The following RFX2 variants were observed in gnomAD, a reference collection of about 807,000 sequenced individuals.
The protein encoded by RFX2 is DNA-binding protein RFX2.
A neutral mutation model predicts 87.8 loss-of-function variants in RFX2; 20 were observed. That is an observed-to-expected ratio of 0.23 (90% CI 0.16 to 0.33). The LOEUF is 0.33. Ranked by LOEUF, RFX2 falls within the 10% of genes least tolerant of loss-of-function variation. RFX2 has a pLI of 1.00. For missense variants in RFX2, 767 were observed against 1,012.3 expected (o/e 0.76, Z 3.29); for synonymous variants, 397 against 431.3 (o/e 0.92, Z 0.98).
rs999385072 is a variant in RFX2, at chr19:5,993,240, C to T, written c.*1595G>A. 6.6e-6 allele frequency: 1 copy of T among 152,230 alleles called. No homozygotes were observed. The highest frequency in any genetic ancestry group is 1.5e-5 in the Non-Finnish European group (1 of 68,044). 9.4% of individuals were successfully genotyped at this position (152,230 alleles called of 1,614,324 possible). Reference sequence around the variant, plus strand: ...ATTACAATCCGTTAACTGTGAGCTTCAGTGTCTCCAAGGAGAGGAGATGTA... The same window carrying T: ...ATTACAATCCGTTAACTGTGAGCTTTAGTGTCTCCAAGGAGAGGAGATGTA... On this transcript the variant is annotated 3_prime_UTR_variant, in exon 18 of 18. Coordinates refer to ENST00000303657, the MANE Select transcript of RFX2 (RefSeq NM_000635.4).
chr19:6,016,557 G>C lies in RFX2; in HGVS notation c.598-286C>G, dbSNP rs950413576. 6.6e-6 allele frequency among the ~76,000 whole-genome samples: 1 copy of C among 152,016 alleles called. No individual in the cohort carries two copies. The highest frequency in any genetic ancestry group is 1.5e-5 in the Non-Finnish European group (1 of 67,990). ...AGGTGTCCGACACCACATCTGGCTA[G>C]TTTTTGTATTTTTAGTAGAGACGGG... is the stretch of plus-strand genomic sequence containing the variant. On this transcript the variant is annotated intron_variant, in intron 6 of 17. Transcript: ENST00000303657. This position sits in a 1 kb window ranked among gnomAD's most constrained non-coding sequence, Gnocchi z 5.4.
intron 1 of RFX2, among the ~76,000 whole-genome samples, chr19:6,104,885 C>G (rs777038266): frequency 6.6e-6 from 1 of 151,376 alleles, no homozygotes; most frequent in Non-Finnish European, 1.5e-5. Context: ...TTTGGGAGGC[C>G]GAGGTGGGCA....
intron 1 of RFX2, among the ~76,000 whole-genome samples, chr19:6,086,783 G>A (rs976437426): frequency 6.6e-6 from 1 of 152,084 alleles, no homozygotes; most frequent in African/African-American, 2.4e-5. Flanking sequence ...ATTTGCAAAG[G>A]GAATTTGTCT....
chr19:6,042,667 A>G (rs1186937457), intron 3 of RFX2, among the ~76,000 whole-genome samples: 3 of 152,106 alleles, frequency 2.0e-5, no homozygotes, highest in African/African-American at 7.2e-5. Flanking sequence ...AGGAGGGGAG[A>G]GAATGTGATG....
intron 1 of RFX2, among the ~76,000 whole-genome samples, chr19:6,077,664 A>G (rs748685866): frequency 6.6e-6 from 1 of 152,182 alleles, no homozygotes; most frequent in Non-Finnish European, 1.5e-5. Context: ...GCAACAGCCC[A>G]AATGTTTGTC....
At chr19:6,084,567 T>C (rs1187794805) in intron 1 of RFX2, among the ~76,000 whole-genome samples, 2 of 152,078 alleles carry the variant, frequency 1.3e-5, no homozygotes, top group African/African-American at 2.4e-5. Flanking sequence ...TTTCTGTCGC[T>C]ATGGATCTGA....
Position 5,999,868 on chromosome 19 carries a change from AGGCAAGGGG to A in RFX2, c.1859+1938_1859+1946del. Among the ~76,000 whole-genome samples, 1 of 152,000 alleles carries A rather than the reference AGGCAAGGGG, an allele frequency of 6.6e-6. No homozygotes were observed. The highest frequency in any genetic ancestry group is 2.4e-5 in the African/African-American group (1 of 41,388). On this transcript the variant is annotated intron_variant, in intron 15 of 17. Transcript: ENST00000303657. This position sits in a 1 kb window ranked among gnomAD's most constrained non-coding sequence, Gnocchi z 4.1. The stretch of plus-strand genomic sequence containing the variant: ...TGGCTGTCTGGGGGAAAGATGTTCC[AGGCAAGGGG>A]GGCAGGTGCAAAGGCCCTGAGGCAG...
chr19:6,108,873 A>T (rs1024254623), intron 1 of RFX2, among the ~76,000 whole-genome samples: 1 of 152,120 alleles, frequency 6.6e-6, no homozygotes, highest in South Asian at 2.1e-4. Flanking sequence ...TGAAATAGCC[A>T]CTAGGATCGG....
At chr19:6,105,206 A>G (rs1276266289) in intron 1 of RFX2, among the ~76,000 whole-genome samples, 1 of 152,160 alleles carries the variant, frequency 6.6e-6, no homozygotes, top group East Asian at 1.9e-4. Context: ...ATAATACAAT[A>G]AATACGTATA....
Position 6,050,870 on chromosome 19 carries a change from TG to T in RFX2, c.-8-3367del, listed in dbSNP as rs1259683206. Among the ~76,000 whole-genome samples, 1 of 152,186 alleles carries T rather than the reference TG, an allele frequency of 6.6e-6. No individual in the cohort carries two copies. Among genetic ancestry groups the T allele is most frequent in the Non-Finnish European group, 1.5e-5 (1 of 68,032 alleles). On this transcript the variant is annotated intron_variant, in intron 1 of 17. Transcript: ENST00000303657. The surrounding 1 kb of genome is among the most constrained non-coding windows in gnomAD (Gnocchi z 4.6). ...AAAGAAAGCCAAGATAGGTATGTCA[TG>T]GTTAAACTGTTAAAAGAAGCAGTCA...
intron 1 of RFX2, among the ~76,000 whole-genome samples, chr19:6,097,132 T>TG (rs1230692065): frequency 6.6e-6 from 1 of 151,694 alleles, no homozygotes; most frequent in Non-Finnish European, 1.5e-5. Context: ...TGAAGCAGAG[T>TG]GGGGAGAGGA....
chr19:6,009,279 G>C (rs1328998000), intron 9 of RFX2, among the ~76,000 whole-genome samples: 1 of 152,214 alleles, frequency 6.6e-6, no homozygotes, highest in African/African-American at 2.4e-5. Context: ...AAGCCACTGA[G>C]TGTGTACAGA....
rs900130926 is a variant in RFX2, at chr19:6,017,890, T to G, written c.598-1619A>C. ...TACCCATGGCACCCCCCCGCCCCAC[T>G]GTCACGTTTGCCTGTCTGTTTGCCC... On this transcript the variant is annotated intron_variant, in intron 6 of 17. Coordinates refer to ENST00000303657, the MANE Select transcript of RFX2 (RefSeq NM_000635.4). The surrounding 1 kb of genome is among the most constrained non-coding windows in gnomAD (Gnocchi z 4.1). Among the ~76,000 whole-genome samples the G allele has an allele frequency of 2.0e-5, 2 of 102,068 alleles. No individual in the cohort carries two copies. The highest frequency in any genetic ancestry group is 3.9e-5 in the Non-Finnish European group (2 of 50,930). The allele number at this position is 102,068 out of a possible 152,430, so 67.0% of individuals were successfully genotyped here. A position where few individuals can be genotyped will look rare whatever the true frequency, so the allele number is the denominator to read the frequency against.
At chr19:6,066,511 C>A (rs549273107) in intron 1 of RFX2, among the ~76,000 whole-genome samples, 57 of 152,048 alleles carry the variant, frequency 3.7e-4, no homozygotes, top group Non-Finnish European at 6.6e-4. Flanking sequence ...GGAATTAGAT[C>A]AAAAAAGAAA....
rs957714769 is a variant in RFX2, at chr19:6,077,798, A to G, written c.-8-30294T>C. On this transcript the variant is annotated intron_variant, in intron 1 of 17. Transcript: ENST00000303657. ...GGAGTTTGAGACCAGCCTGACCAAC[A>G]TGGAGAAACCCTGTCTCTATTAAAA... Among the ~76,000 whole-genome samples, 14 of 152,160 alleles carry G rather than the reference A, an allele frequency of 9.2e-5. No homozygotes were observed. In the South Asian group the frequency reaches 2.3e-3, roughly 25 times the overall value.
In RFX2 at chr19:6,040,346, G is replaced by GA; in HGVS notation, c.261-106dup. The GA allele has an allele frequency of 7.9e-7, 1 of 1,258,810 alleles. No homozygotes were observed. The highest frequency in any genetic ancestry group is 1.1e-6 in the Non-Finnish European group (1 of 924,828). 78.0% of individuals were successfully genotyped at this position (1,258,810 alleles called of 1,614,324 possible). ...CATCACGTAAAAGCTGCAACCCAGAGAGGCCAGACATATGGAGCAATTCGG... is the reference window on the plus strand; with the variant it reads ...CATCACGTAAAAGCTGCAACCCAGAGAAGGCCAGACATATGGAGCAATTCGG... On this transcript the variant is annotated intron_variant, in intron 4 of 17. Coordinates refer to ENST00000303657, the MANE Select transcript of RFX2 (RefSeq NM_000635.4). The surrounding 1 kb of genome is among the most constrained non-coding windows in gnomAD (Gnocchi z 6.1).
intron 1 of RFX2, among the ~76,000 whole-genome samples, chr19:6,091,521 C>T (rs1026858967): frequency 1.5e-4 from 23 of 151,856 alleles, no homozygotes; most frequent in African/African-American, 5.1e-4. Flanking sequence ...TGAGTGCTGG[C>T]AAATGCCAGC....
chr19:6,100,832 TTTAATTGAATTAA>T (rs1488713747), intron 1 of RFX2, among the ~76,000 whole-genome samples: 23 of 150,890 alleles, frequency 1.5e-4, no homozygotes, highest in African/African-American at 5.2e-4. Flanking sequence ...ATTATATTGA[TTTAATTGAATTAA>T]TTAATTGAAT....
At position 6,110,318 on chromosome 19, in the gene RFX2, C is replaced by CA. The variant is rs1294952916; in HGVS notation, c.-9+74_-9+75insT. 4.7e-3 allele frequency: 1 copy of CA among 212 alleles called. No individual in the cohort carries two copies. The highest frequency in any genetic ancestry group is 0.062 in the East Asian group (1 of 16). 0.0% of individuals were successfully genotyped at this position (212 alleles called of 1,614,324 possible). A position where few individuals can be genotyped will look rare whatever the true frequency, so the allele number is the denominator to read the frequency against. ...CGGCGGGGACGTGCTGCCCGCCCCCCGGCCCCCGAACGGGGTCCCCGCCGC... is the reference window on the plus strand; with the variant it reads ...CGGCGGGGACGTGCTGCCCGCCCCCCAGGCCCCCGAACGGGGTCCCCGCCGC... On this transcript the variant is annotated intron_variant, in intron 1 of 17. Coordinates refer to ENST00000303657, the MANE Select transcript of RFX2 (RefSeq NM_000635.4). The surrounding 1 kb of genome is among the most constrained non-coding windows in gnomAD (Gnocchi z 4.3).
Sources: allele counts gnomAD v4.1 joint callset (sites outside exome capture counted in the v4.1 genomes callset), GRCh38; gene constraint gnomAD v4.1.1; non-coding constraint Gnocchi (gnomAD v3.1); transcripts MANE v1.5; gene names NCBI Gene and HGNC (gene_info 2026-07-23, HGNC 2026-07-21).